KIZ: variants seen among roughly 807,000 people sequenced by gnomAD.
KIZ encodes kizuna centrosomal protein, also known as centrosomal protein kizuna.
KIZ carries 68 observed loss-of-function variants against 79.6 expected under a neutral mutation model. The observed-to-expected ratio is 0.85, with a 90% CI of 0.70 to 1.05. KIZ has a LOEUF of 1.05. KIZ is among the 50% of genes least tolerant of loss of function. The pLI, the probability that KIZ is intolerant of heterozygous loss-of-function variation, is 0.00. For missense variants in KIZ, 797 were observed against 800.4 expected (o/e 1.00, Z 0.05); for synonymous variants, 280 against 281.8 (o/e 0.99, Z 0.06).
chr20:21,215,640 C>G lies in KIZ; in HGVS notation c.1670C>G (p.Pro557Arg), dbSNP rs753317987. ...SKKENVAADI[P>R]ITETEAYQLL... is the part of the protein sequence containing the mutation. ...AAAGAAAATGTGGCTGCAGATATCC[C>G]AATCACAGGTAAAGCTATGGTTGCC... The change falls in exon 9 of 13, where the codon CCA becomes CGA. Residue 557 changes from proline to arginine, a missense_variant. By Grantham distance (103) the Pro-to-Arg change is moderately radical. Transcript: ENST00000619189. 1.9e-6 allele frequency: 3 copies of G among 1,598,746 alleles called. No individual in the cohort carries two copies. The highest frequency in any genetic ancestry group is 2.6e-6 in the Non-Finnish European group (3 of 1,168,182).
At chr20:21,155,619 A>C (rs1401933322) in intron 4 of KIZ, among the ~76,000 whole-genome samples, 1 of 152,210 alleles carries the variant, frequency 6.6e-6, no homozygotes, top group East Asian at 1.9e-4. Context: ...TGATGGTCGC[A>C]CAACTCTGCG....
intron 6 of KIZ, among the ~76,000 whole-genome samples, chr20:21,169,520 G>T (rs190650518): frequency 6.6e-6 from 1 of 152,182 alleles, no homozygotes; most frequent in Non-Finnish European, 1.5e-5. Flanking sequence ...AGTCAGTGTG[G>T]CGATTCCTCA....
intron 6 of KIZ, among the ~76,000 whole-genome samples, chr20:21,176,664 A>G (rs1600460492): frequency 6.6e-6 from 1 of 152,210 alleles, no homozygotes; most frequent in Non-Finnish European, 1.5e-5. Context: ...CTAGGAATTT[A>G]AAATAACTGA....
Position 21,132,098 on chromosome 20 carries a change from G to A in KIZ, c.91G>A (p.Glu31Lys). Residue 31 changes from glutamate to lysine, a missense_variant and splice_region_variant, in exon 2 of 13, where the codon GAA becomes AAA. Glu to Lys is a moderately conservative substitution (Grantham distance 56). Coordinates refer to ENST00000619189, the MANE Select transcript of KIZ (RefSeq NM_018474.6). Reference protein sequence around the residue: ...GQLQHGLRDSEKKRLDLEKKL... With the variant: ...GQLQHGLRDSKKKRLDLEKKL... ...CTTATAAAATGTTTTTTATTATAGT[G>A]AAAAGAAGAGATTGGACCTGGAAAA... 7.7e-7 allele frequency: 1 copy of A among 1,295,766 alleles called. No individual in the cohort carries two copies. The highest frequency in any genetic ancestry group is 2.1e-5 in the Admixed American group (1 of 48,418). The allele number at this position is 1,295,766 out of a possible 1,614,324, so 80.3% of individuals were successfully genotyped here. A position where few individuals can be genotyped will look rare whatever the true frequency, so the allele number is the denominator to read the frequency against.
intron 9 of KIZ, among the ~76,000 whole-genome samples, chr20:21,221,984 A>G (rs1034124241): frequency 6.6e-6 from 1 of 152,188 alleles, no homozygotes; most frequent in African/African-American, 2.4e-5. Context: ...TGGAACGGGA[A>G]ACCCCCAGCT....
chr20:21,214,272 G>A (rs2036193295), intron 7 of KIZ, among the ~76,000 whole-genome samples: 1 of 151,998 alleles, frequency 6.6e-6, no homozygotes, highest in African/African-American at 2.4e-5. Flanking sequence ...TACTTAACAA[G>A]CAGAAGAATA....
chr20:21,208,054 A>G (rs1322558226), intron 7 of KIZ, among the ~76,000 whole-genome samples: 3 of 151,980 alleles, frequency 2.0e-5, no homozygotes, highest in Non-Finnish European at 4.4e-5. Flanking sequence ...TTTGGGTTTT[A>G]TTGTCCCTTT....
chr20:21,203,809 AC>A (rs1274686111), intron 6 of KIZ, among the ~76,000 whole-genome samples: 1 of 152,320 alleles, frequency 6.6e-6, no homozygotes, highest in African/African-American at 2.4e-5. Context: ...TTAAAAAAAA[AC>A]ATAAAATTAG....
intron 11 of KIZ, among the ~76,000 whole-genome samples, chr20:21,243,509 A>G (rs2037287441): frequency 6.6e-6 from 1 of 152,120 alleles, no homozygotes; most frequent in Non-Finnish European, 1.5e-5. Context: ...CTCTCCCAAC[A>G]TCTCCTGTGA....
Position 21,229,000 on chromosome 20 carries a change from T to G in KIZ, c.1679-11T>G. 1 of 1,509,414 alleles carries G rather than the reference T, an allele frequency of 6.6e-7. No individual in the cohort carries two copies. Among genetic ancestry groups the G allele is most frequent in the Non-Finnish European group, 9.2e-7 (1 of 1,092,304 alleles). 93.5% of individuals were successfully genotyped at this position (1,509,414 alleles called of 1,614,324 possible). A position where few individuals can be genotyped will look rare whatever the true frequency, so the allele number is the denominator to read the frequency against. ...AAATGTAATATTTCTGTGTTTTTCT[T>G]TAATCAACAGAAACAGAAGCCTATC... is the stretch of plus-strand genomic sequence containing the variant. On this transcript the variant is annotated splice_polypyrimidine_tract_variant and intron_variant, in intron 9 of 12. Coordinates refer to ENST00000619189, the MANE Select transcript of KIZ (RefSeq NM_018474.6).
In KIZ at chr20:21,146,252, T is replaced by C. The variant is rs556034780; in HGVS notation, c.405+598T>C. On this transcript the variant is annotated intron_variant, in intron 4 of 12. Coordinates refer to ENST00000619189, the MANE Select transcript of KIZ (RefSeq NM_018474.6). Reference sequence around the variant, plus strand: ...TTTAGATGAAATGTCTAAAAACATCTTGTAATAACTTGGAGCATGCTGGCA... The same window carrying C: ...TTTAGATGAAATGTCTAAAAACATCCTGTAATAACTTGGAGCATGCTGGCA... 6.6e-5 allele frequency among the ~76,000 whole-genome samples: 10 copies of C among 152,146 alleles called. 1 individual carries two copies. The East Asian group carries it at 1.9e-3, about 29-fold the overall frequency.
At chr20:21,160,148 C>T (rs763982905) in intron 4 of KIZ, among the ~76,000 whole-genome samples, 7 of 152,212 alleles carry the variant, frequency 4.6e-5, no homozygotes, top group Non-Finnish European at 2.9e-5. Context: ...CCCTCCTTCG[C>T]AGTTCCTCAG....
At chr20:21,141,819 A>ACTCT (rs772824213) in intron 3 of KIZ, among the ~76,000 whole-genome samples, 1 of 142,304 alleles carries the variant, frequency 7.0e-6, no homozygotes, top group South Asian at 2.2e-4. Flanking sequence ...ACACACACAC[A>ACTCT]CACACTCTCT....
At chr20:21,241,232 T>G (rs1415489673) in intron 11 of KIZ, among the ~76,000 whole-genome samples, 1 of 152,228 alleles carries the variant, frequency 6.6e-6, no homozygotes, top group East Asian at 1.9e-4. Context: ...GCTTTACATA[T>G]TAGGTATGAC....
At chr20:21,158,572 A>G (rs1456010781) in intron 4 of KIZ, 1 of 152,212 alleles carries the variant, frequency 6.6e-6, no homozygotes, top group African/African-American at 2.4e-5. Flanking sequence ...GATATAATAA[A>G]AACTATAATT....
intron 4 of KIZ, among the ~76,000 whole-genome samples, chr20:21,147,450 A>G (rs958317137): frequency 6.6e-6 from 1 of 152,220 alleles, no homozygotes; most frequent in Non-Finnish European, 1.5e-5. Context: ...TAATCCTTAT[A>G]CTAATTCCTG....
chr20:21,195,676 A>G (rs920397985), intron 6 of KIZ: 7 of 152,054 alleles, frequency 4.6e-5, no homozygotes, highest in African/African-American at 1.7e-4. Context: ...TTGTCCTGTC[A>G]GTGGGTAGGC....
intron 10 of KIZ, among the ~76,000 whole-genome samples, chr20:21,231,373 T>G (rs1165546824): frequency 6.6e-6 from 1 of 152,098 alleles, no homozygotes; most frequent in Non-Finnish European, 1.5e-5. Context: ...TAAGTTCTAG[T>G]CCCTTCGATG....
At chr20:21,240,582 A>G (rs981873183) in intron 11 of KIZ, among the ~76,000 whole-genome samples, 4 of 152,228 alleles carry the variant, frequency 2.6e-5, no homozygotes, top group African/African-American at 9.6e-5. Flanking sequence ...GGGTTCCAAG[A>G]GTCGCTCCTG....
Sources: gnomAD v4.1 joint callset for allele counts (sites outside exome capture counted in the v4.1 genomes callset) on GRCh38, gnomAD v4.1.1 for gene constraint, MANE v1.5 for transcripts, NCBI Gene and HGNC (gene_info 2026-07-23, HGNC 2026-07-21) for gene names.